Variants in RAD54B observed in about 807,000 individuals in gnomAD.
RAD54B encodes the protein DNA repair and recombination protein RAD54B.
A neutral mutation model predicts 95.8 loss-of-function variants in RAD54B; 78 were observed. The ratio of observed to expected loss-of-function variants is 0.81; its 90% CI spans 0.68 to 0.98. The LOEUF (loss-of-function observed/expected upper bound fraction) is 0.98. Ranked by LOEUF, RAD54B falls within the 50% of genes least tolerant of loss-of-function variation. The pLI, the probability that RAD54B is intolerant of heterozygous loss-of-function variation, is 0.00. For synonymous variants in RAD54B, 328 were observed against 354.9 expected, an observed-to-expected ratio of 0.92 and a Z score of 0.85; for missense variants, 957 against 1,056.6, an observed-to-expected ratio of 0.91 and a Z score of 1.31.
chr8:94,394,871 A>G (rs1213476954), intron 8 of RAD54B, among the ~76,000 whole-genome samples: 5 of 152,212 alleles, frequency 3.3e-5, no homozygotes, highest in African/African-American at 9.6e-5. Context: ...AAGGAATTTA[A>G]TAATCACCTC....
chr8:94,455,730 T>C (rs945879218), intron 3 of RAD54B, among the ~76,000 whole-genome samples: 4 of 152,198 alleles, frequency 2.6e-5, no homozygotes, highest in African/African-American at 9.6e-5. Flanking sequence ...AGGGAGAATC[T>C]TTCTTTGCTT....
chr8:94,428,520 T>C (rs2130091794), intron 3 of RAD54B: 1 of 240,916 alleles, frequency 4.2e-6, no homozygotes, highest in Non-Finnish European at 6.7e-6. Context: ...CAATGGCTAA[T>C]ATAATGTAAA....
At chr8:94,471,689 A>G (rs1445410766) in intron 1 of RAD54B, among the ~76,000 whole-genome samples, 1 of 152,080 alleles carries the variant, frequency 6.6e-6, no homozygotes, top group East Asian at 1.9e-4. Context: ...TGGTTAGAAT[A>G]CCAGTAATTT....
rs147550244 is a variant in RAD54B at position 94,463,710 on chromosome 8, T to G, written c.135+3695A>C. 4.9e-3 allele frequency among the ~76,000 whole-genome samples: 739 copies of G among 151,716 alleles called. 14 individuals are homozygous for G. Among genetic ancestry groups the G allele is most frequent in the East Asian group, 0.026 (136 of 5,184 alleles). ...CTGGGCAACATAGGCAGACCCCATC[T>G]CTATAAAAAATTTAAAAATTAGCCT... On this transcript the variant is annotated intron_variant, in intron 2 of 14. Transcript: ENST00000336148.
At chr8:94,408,314 TA>T (rs780070321) in intron 4 of RAD54B, among the ~76,000 whole-genome samples, 3 of 152,170 alleles carry the variant, frequency 2.0e-5, no homozygotes, top group Admixed American at 6.5e-5. Flanking sequence ...TGTTGCTGTG[TA>T]AAGGTGCTGA....
At chr8:94,385,091 A>C (rs2129968588) in intron 11 of RAD54B, among the ~76,000 whole-genome samples, 1 of 152,324 alleles carries the variant, frequency 6.6e-6, no homozygotes, top group African/African-American at 2.4e-5. Context: ...CCCCAGAGTG[A>C]GACCCTATCT....
At chr8:94,400,512 A>G in intron 6 of RAD54B, 49 bp from the exon 7 acceptor site, 1 of 1,444,498 alleles carries the variant, frequency 6.9e-7, no homozygotes, top group African/African-American at 1.4e-5. Flanking sequence ...AAAATATTTT[A>G]TGCTCTTAAA....
chr8:94,459,193 C>A (rs558841115), intron 2 of RAD54B, among the ~76,000 whole-genome samples: 1 of 152,020 alleles, frequency 6.6e-6, no homozygotes, highest in African/African-American at 2.4e-5. Flanking sequence ...GTCTGGTACC[C>A]AGGCTGAAGA....
intron 2 of RAD54B, among the ~76,000 whole-genome samples, chr8:94,466,494 A>T (rs1563667677): frequency 6.6e-6 from 1 of 150,668 alleles, no homozygotes; most frequent in Non-Finnish European, 1.5e-5. Context: ...TATAACCTCC[A>T]CCTCCCAGGT....
intron 3 of RAD54B, chr8:94,430,467 A>C (rs1336753962): frequency 1.0e-6 from 1 of 982,988 alleles, no homozygotes; most frequent in Non-Finnish European, 1.2e-6. Flanking sequence ...ACTCTGTTTC[A>C]CTGGTTCTCA....
intron 3 of RAD54B, chr8:94,428,145 T>C (rs1811990807): frequency 4.6e-6 from 4 of 860,428 alleles, no homozygotes; most frequent in Non-Finnish European, 4.2e-6. Flanking sequence ...AAAGTGGCTA[T>C]CCACTATCTA....
intron 1 of RAD54B, among the ~76,000 whole-genome samples, chr8:94,469,873 T>C (rs1315949447): frequency 6.6e-6 from 1 of 152,246 alleles, no homozygotes; most frequent in Non-Finnish European, 1.5e-5. Flanking sequence ...TTTTTTAAAA[T>C]ATAAATCAAG....
chr8:94,405,876 A>AG lies in RAD54B; in HGVS notation c.781+1562_781+1563insC, dbSNP rs752985090. 1.1e-4 allele frequency among the ~76,000 whole-genome samples: 16 copies of AG among 152,286 alleles called. No homozygotes were observed. In the East Asian group the frequency reaches 2.7e-3, roughly 26 times the overall value. ...TTTAAGATGTTTCTTTATCTTCACA[A>AG]TGATGAAGACGATCATTTAATATTA... On this transcript the variant is annotated intron_variant, in intron 5 of 14. Transcript: ENST00000336148.
intron 2 of RAD54B, among the ~76,000 whole-genome samples, chr8:94,461,233 C>T (rs1490426539): frequency 2.4e-5 from 3 of 122,854 alleles, no homozygotes; most frequent in Non-Finnish European, 4.7e-5. Context: ...AGTGCAATGG[C>T]GCAATCTCGG....
At chr8:94,457,370 C>T (rs1812801665) in intron 3 of RAD54B, among the ~76,000 whole-genome samples, 1 of 152,194 alleles carries the variant, frequency 6.6e-6, no homozygotes, top group Non-Finnish European at 1.5e-5. Context: ...CCACCTTGTT[C>T]TGACACCAGT....
rs112882967 is a variant in RAD54B at position 94,458,333 on chromosome 8, T to C, written c.239A>G (p.Asp80Gly). The C allele has an allele frequency of 1.2e-6, 2 of 1,610,654 alleles. No homozygotes were observed. Among genetic ancestry groups the C allele is most frequent in the Non-Finnish European group, 1.7e-6 (2 of 1,178,740 alleles). Reference sequence around the variant, plus strand: ...AAAACAATATTTTCCACTGCAATTATCTCTGTTATTGATTTCTCTAGTACT... The same window carrying C: ...AAAACAATATTTTCCACTGCAATTACCTCTGTTATTGATTTCTCTAGTACT... ...EESTREINNRDNCSGKYCFEA... is the reference protein window; with the variant it reads ...EESTREINNRGNCSGKYCFEA... Residue 80 changes from aspartate (D) to glycine (G), a missense_variant, in exon 3 of 15, where the codon GAT becomes GGT. Transcript: ENST00000336148.
chr8:94,464,750 T>C (rs778988525), intron 2 of RAD54B, among the ~76,000 whole-genome samples: 1 of 152,144 alleles, frequency 6.6e-6, no homozygotes, highest in Non-Finnish European at 1.5e-5. Flanking sequence ...AGGTAATTTA[T>C]AAAGAAAAGA....
intron 8 of RAD54B, among the ~76,000 whole-genome samples, chr8:94,396,668 A>G (rs1400457405): frequency 6.6e-6 from 1 of 152,156 alleles, no homozygotes; most frequent in Admixed American, 6.6e-5. Context: ...CTATGATATA[A>G]TGAAAGGGCA....
intron 3 of RAD54B, among the ~76,000 whole-genome samples, chr8:94,433,942 T>G (rs1052078794): frequency 1.3e-5 from 2 of 151,768 alleles, no homozygotes; most frequent in Admixed American, 6.6e-5. Context: ...TGCCATTAAA[T>G]TGCCAGAAAT....
Sources: allele counts gnomAD v4.1 joint callset (sites outside exome capture counted in the v4.1 genomes callset), GRCh38; gene constraint gnomAD v4.1.1; transcripts MANE v1.5; gene names NCBI Gene and HGNC (gene_info 2026-07-23, HGNC 2026-07-21).